Variants in TBC1D22A observed in about 807,000 individuals in gnomAD.
The protein encoded by TBC1D22A is putative GTPase activator.
A neutral mutation model predicts 60.2 loss-of-function variants in TBC1D22A; 38 were observed. The observed-to-expected ratio is 0.63, with a 90% CI of 0.49 to 0.83. The LOEUF (loss-of-function observed/expected upper bound fraction) is 0.83. Among genes scored for constraint, TBC1D22A ranks in the 40% least tolerant of loss-of-function variants. The pLI is 0.00. For missense variants in TBC1D22A, 628 were observed against 701.0 expected, an observed-to-expected ratio of 0.90 and a Z score of 1.18; for synonymous variants, 302 against 281.7, an observed-to-expected ratio of 1.07 and a Z score of -0.72.
At position 46,938,901 on chromosome 22, in the gene TBC1D22A, T is replaced by C. The variant is rs142426808; in HGVS notation, c.1015+26713T>C. The stretch of plus-strand genomic sequence containing the variant: ...ACAGCTGGCCAGTTATTTCTCACTA[T>C]GGTAGAAATGGACTAAAATAATAGA... On this transcript the variant is annotated intron_variant, in intron 8 of 12. Transcript: ENST00000337137. Among the ~76,000 whole-genome samples, 941 of 152,096 alleles carry C rather than the reference T, an allele frequency of 6.2e-3. 9 individuals are homozygous for C. The highest frequency in any genetic ancestry group is 0.022 in the African/African-American group (891 of 41,418).
intron 11 of TBC1D22A, among the ~76,000 whole-genome samples, chr22:47,071,294 C>T (rs967271340): frequency 1.3e-5 from 2 of 152,222 alleles, no homozygotes; most frequent in East Asian, 1.9e-4. Context: ...GCCAGATACC[C>T]GCCTTACAGC....
At chr22:47,101,945 A>G (rs1040267341) in intron 11 of TBC1D22A, among the ~76,000 whole-genome samples, 3 of 152,186 alleles carry the variant, frequency 2.0e-5, no homozygotes, top group African/African-American at 7.2e-5. Flanking sequence ...CCAATCCAGA[A>G]TATTCCACAC....
rs138680946 is a variant in TBC1D22A, at chr22:46,895,619, G to T, written c.900+773G>T. Among the ~76,000 whole-genome samples, 81 of 152,270 alleles carry T rather than the reference G, an allele frequency of 5.3e-4. No individual in the cohort carries two copies. The East Asian group carries it at 0.013, about 25-fold the overall frequency. Reference sequence around the variant, plus strand: ...ACTCCTGACCTCAAGTGATCTGCCCGCCTTGGCCTCCCAAAATGCTGGGAT... The same window carrying T: ...ACTCCTGACCTCAAGTGATCTGCCCTCCTTGGCCTCCCAAAATGCTGGGAT... On this transcript the variant is annotated intron_variant, in intron 7 of 12. Coordinates refer to ENST00000337137, the MANE Select transcript of TBC1D22A (RefSeq NM_014346.5).
chr22:47,051,476 C>A (rs184905928), intron 11 of TBC1D22A, among the ~76,000 whole-genome samples: 1 of 152,298 alleles, frequency 6.6e-6, no homozygotes, highest in Non-Finnish European at 1.5e-5. Flanking sequence ...TGCTTCAATG[C>A]GGACCCTGGG....
At chr22:46,957,922 A>T (rs1440031411) in intron 8 of TBC1D22A, among the ~76,000 whole-genome samples, 1 of 152,048 alleles carries the variant, frequency 6.6e-6, no homozygotes, top group Non-Finnish European at 1.5e-5. Flanking sequence ...GGTGGACTGG[A>T]GCTGGGGCAT....
chr22:46,784,146 T>C (rs891201116), intron 1 of TBC1D22A, among the ~76,000 whole-genome samples: 1 of 152,156 alleles, frequency 6.6e-6, no homozygotes, highest in African/African-American at 2.4e-5. Context: ...CCTGGGCTCA[T>C]GTGATCCATC....
intron 8 of TBC1D22A, among the ~76,000 whole-genome samples, chr22:46,973,166 C>T (rs1054016342): frequency 1.3e-5 from 2 of 152,220 alleles, no homozygotes; most frequent in Admixed American, 1.3e-4. Context: ...TAGGACTGTA[C>T]ACGACACGAA....
chr22:46,869,281 G>T (rs568854887), intron 4 of TBC1D22A, among the ~76,000 whole-genome samples: 1 of 152,334 alleles, frequency 6.6e-6, no homozygotes, highest in South Asian at 2.1e-4. Flanking sequence ...TCAGAGAAGA[G>T]ACCACCCCTC....
chr22:46,841,047 G>GGTGTGTGTGTGTGTGTGT (rs56029066), intron 4 of TBC1D22A, among the ~76,000 whole-genome samples: 36 of 147,434 alleles, frequency 2.4e-4, no homozygotes, highest in African/African-American at 6.1e-4. Context: ...AATGAAAATG[G>GGTGTGTGTGTGTGTGTGT]GTGTGTGTGT....
chr22:47,057,630 C>T (rs2063436792), intron 11 of TBC1D22A, among the ~76,000 whole-genome samples: 1 of 152,180 alleles, frequency 6.6e-6, no homozygotes, highest in Non-Finnish European at 1.5e-5. Flanking sequence ...GAAGGAGGAG[C>T]AAAAGCGCGT....
At chr22:46,955,290 G>A (rs1052862426) in intron 8 of TBC1D22A, among the ~76,000 whole-genome samples, 1 of 152,228 alleles carries the variant, frequency 6.6e-6, no homozygotes, top group African/African-American at 2.4e-5. Flanking sequence ...TTGATTAAAA[G>A]TACGCTAACG....
chr22:46,997,728 C>A lies in TBC1D22A; in HGVS notation c.1201+19C>A, dbSNP rs1265872041. On this transcript the variant is annotated intron_variant, in intron 10 of 12. Transcript: ENST00000337137. ...ATTGATGGTAAGCCAGCTTCCCGCG[C>A]AGCCCCTCTCTGTGGGCGGGGGGAG... 12 of 1,612,830 alleles carry A rather than the reference C, an allele frequency of 7.4e-6. No individual in the cohort carries two copies. The highest frequency in any genetic ancestry group is 1.0e-5 in the Non-Finnish European group (12 of 1,179,200).
chr22:46,885,453 G>C (rs566897912), intron 5 of TBC1D22A, among the ~76,000 whole-genome samples: 2 of 152,316 alleles, frequency 1.3e-5, no homozygotes, highest in South Asian at 4.1e-4. Flanking sequence ...TGTGAAGCAC[G>C]GAGCGTGGTG....
In TBC1D22A at chr22:46,797,614, G is replaced by A; in HGVS notation, c.631G>A (p.Asp211Asn). The change falls in exon 4 of 13, where the codon GAC becomes AAC. Residue 211 changes from aspartate to asparagine, a missense_variant. Asp to Asn is a conservative substitution (Grantham distance 23, BLOSUM62 1). Coordinates refer to ENST00000337137, the MANE Select transcript of TBC1D22A (RefSeq NM_014346.5). ...FKQLLAGPNT[D>N]LEELRRLSWS... ...GCAGCTGCTTGCCGGCCCCAACACG[G>A]ACCTTGGTAAGCACCCTGCCCTCTG... 6.2e-7 allele frequency: 1 copy of A among 1,605,812 alleles called. No individual in the cohort carries two copies. Among genetic ancestry groups the A allele is most frequent in the Non-Finnish European group, 8.5e-7 (1 of 1,174,962 alleles).
At chr22:46,967,049 C>T (rs779183963) in intron 8 of TBC1D22A, among the ~76,000 whole-genome samples, 10 of 152,184 alleles carry the variant, frequency 6.6e-5, no homozygotes, top group Non-Finnish European at 1.2e-4. Flanking sequence ...CTGCCAACGT[C>T]TCGCCCTCCC....
intron 5 of TBC1D22A, among the ~76,000 whole-genome samples, chr22:46,884,690 A>G (rs1464075534): frequency 6.6e-6 from 1 of 152,198 alleles, no homozygotes; most frequent in South Asian, 2.1e-4. Flanking sequence ...AGGAAAACAC[A>G]TAGTTGTGTT....
intron 8 of TBC1D22A, among the ~76,000 whole-genome samples, chr22:46,941,664 GCGGAATATATATA>G (rs899513764): frequency 4.3e-4 from 33 of 77,536 alleles, no homozygotes; most frequent in Non-Finnish European, 1.1e-4. Flanking sequence ...ATATATATAC[GCGGAATATATATA>G]CGGAATATAT....
intron 3 of TBC1D22A, among the ~76,000 whole-genome samples, chr22:46,794,525 T>A (rs143909726): frequency 7.2e-4 from 110 of 152,330 alleles, no homozygotes; most frequent in African/African-American, 2.5e-3. Flanking sequence ...GGTTGTGCGA[T>A]GAACCCACTG....
At chr22:46,840,939 C>A (rs988011059) in intron 4 of TBC1D22A, among the ~76,000 whole-genome samples, 1 of 152,016 alleles carries the variant, frequency 6.6e-6, no homozygotes, top group African/African-American at 2.4e-5. Flanking sequence ...AAGTCAGTGC[C>A]TCGTAGAGGA....
Sources: gnomAD v4.1 joint callset for allele counts (sites outside exome capture counted in the v4.1 genomes callset) on GRCh38, gnomAD v4.1.1 for gene constraint, MANE v1.5 for transcripts, NCBI Gene and HGNC (gene_info 2026-07-23, HGNC 2026-07-21) for gene names.